The following ITPK1 variants were observed in gnomAD, a reference collection of about 807,000 sequenced individuals.
ITPK1 encodes inositol 1,3,4-trisphosphate 5/6-kinase.
ITPK1 carries 21 observed loss-of-function variants against 45.3 expected under a neutral mutation model. The observed-to-expected ratio is 0.46, with a 90% CI of 0.33 to 0.67. The LOEUF (loss-of-function observed/expected upper bound fraction) is 0.67. Ranked by LOEUF, ITPK1 falls within the 30% of genes least tolerant of loss-of-function variation. The pLI is 0.02. For missense variants in ITPK1, 474 were observed against 573.5 expected (o/e 0.83, Z 1.77); for synonymous variants, 258 against 253.6 (o/e 1.02, Z -0.16).
chr14:93,052,993 G>C (rs944676526), intron 3 of ITPK1, among the ~76,000 whole-genome samples: 17 of 149,952 alleles, frequency 1.1e-4, no homozygotes, highest in Admixed American at 4.0e-4. Context: ...GGGGGGAAGG[G>C]GGAGGGATAG....
intron 2 of ITPK1, among the ~76,000 whole-genome samples, chr14:93,077,909 G>A (rs1373971684): frequency 6.6e-6 from 1 of 152,216 alleles, no homozygotes; most frequent in Non-Finnish European, 1.5e-5. Flanking sequence ...TGTGCACATT[G>A]TGCTGGGAAG....
chr14:92,958,271 C>T lies in ITPK1; in HGVS notation c.600G>A (p.Val200=), dbSNP rs559033581. The T allele has an allele frequency of 8.7e-6, 14 of 1,613,856 alleles. No homozygotes were observed. In the East Asian group the frequency reaches 2.9e-4, roughly 33 times the overall value. ...FINHNAVLYK[V]FVVGESYTVV... ...CGGTGTAGGACTCGCCAACCACGAA[C>T]ACCTTGTACAGGACGGCGTTGTGGT... The change falls in exon 8 of 11, where the codon GTG becomes GTA. Residue 200 remains valine, a synonymous_variant. Coordinates refer to ENST00000267615, the MANE Select transcript of ITPK1 (RefSeq NM_014216.6). The surrounding 1 kb of genome is among the most constrained non-coding windows in gnomAD (Gnocchi z 4.4).
At chr14:93,005,675 G>A (rs934904020) in intron 4 of ITPK1, among the ~76,000 whole-genome samples, 9 of 152,302 alleles carry the variant, frequency 5.9e-5, no homozygotes, top group East Asian at 1.9e-4. Flanking sequence ...GAGAGAAACC[G>A]GACAACAGCC....
chr14:92,968,207 G>A (rs1483599099), intron 5 of ITPK1, among the ~76,000 whole-genome samples: 2 of 152,018 alleles, frequency 1.3e-5, no homozygotes, highest in African/African-American at 4.8e-5. Flanking sequence ...GCACATGTCT[G>A]TAATCCCAGC....
At chr14:93,005,377 A>C (rs1887559565) in intron 4 of ITPK1, among the ~76,000 whole-genome samples, 1 of 152,186 alleles carries the variant, frequency 6.6e-6, no homozygotes, top group Non-Finnish European at 1.5e-5. Context: ...TCAGACATGG[A>C]GTGCGGAAGA....
chr14:93,038,224 G>A (rs957854533), intron 3 of ITPK1, among the ~76,000 whole-genome samples: 6 of 152,178 alleles, frequency 3.9e-5, no homozygotes, highest in African/African-American at 1.2e-4. Flanking sequence ...TTGTAGAGAC[G>A]TGGTTTTGCC....
At chr14:93,114,292 G>A (rs1892856503) in intron 2 of ITPK1, among the ~76,000 whole-genome samples, 1 of 152,206 alleles carries the variant, frequency 6.6e-6, no homozygotes, top group South Asian at 2.1e-4. Context: ...TTAAACACCG[G>A]AGACTCCGCC....
chr14:93,018,728 G>A (rs1368912002), intron 3 of ITPK1, among the ~76,000 whole-genome samples: 1 of 152,170 alleles, frequency 6.6e-6, no homozygotes, highest in African/African-American at 2.4e-5. Flanking sequence ...CCTGAGACTT[G>A]GCGCCGGCTC....
In ITPK1 at chr14:93,110,517, A is replaced by C. The variant is rs774323287; in HGVS notation, c.95+4552T>G. ...GGCCCTATTTTAAAGGAACAAATGT[A>C]GGGCCCAAGGGGAAGGGACAGGCCC... On this transcript the variant is annotated intron_variant, in intron 2 of 10. Coordinates refer to ENST00000267615, the MANE Select transcript of ITPK1 (RefSeq NM_014216.6). Among the ~76,000 whole-genome samples, 6 of 152,156 alleles carry C rather than the reference A, an allele frequency of 3.9e-5. No individual in the cohort carries two copies. In the East Asian group the frequency reaches 7.7e-4, roughly 20 times the overall value.
intron 5 of ITPK1, among the ~76,000 whole-genome samples, chr14:92,968,298 T>C (rs907405415): frequency 1.3e-5 from 2 of 152,002 alleles, no homozygotes; most frequent in East Asian, 3.9e-4. Flanking sequence ...GTCACTGCAC[T>C]CCAGCCTGGT....
At chr14:93,092,493 T>C (rs896400287) in intron 2 of ITPK1, among the ~76,000 whole-genome samples, 3 of 152,156 alleles carry the variant, frequency 2.0e-5, no homozygotes, top group Admixed American at 6.5e-5. Context: ...ACCCACTGCC[T>C]GGAAACAGAG....
At chr14:93,072,540 G>A (rs191099999) in intron 3 of ITPK1, among the ~76,000 whole-genome samples, 31 of 151,526 alleles carry the variant, frequency 2.0e-4, no homozygotes, top group Admixed American at 1.3e-3. Context: ...ATTTACCACA[G>A]CAAATTCTTT....
At chr14:92,983,171 G>A (rs575258343) in intron 5 of ITPK1, among the ~76,000 whole-genome samples, 83 of 152,284 alleles carry the variant, frequency 5.5e-4, no homozygotes, top group African/African-American at 1.7e-3. Flanking sequence ...GCATTTCTGC[G>A]CCCGATGTCT....
At chr14:93,111,877 G>A (rs1414505087) in intron 2 of ITPK1, among the ~76,000 whole-genome samples, 1 of 152,068 alleles carries the variant, frequency 6.6e-6, no homozygotes, top group Non-Finnish European at 1.5e-5. Context: ...CAGTACCACT[G>A]ACAAACAAGT....
intron 2 of ITPK1, among the ~76,000 whole-genome samples, chr14:93,092,598 C>A (rs953655583): frequency 1.3e-5 from 2 of 152,248 alleles, no homozygotes; most frequent in African/African-American, 2.4e-5. Flanking sequence ...TTTTACCCCC[C>A]ACCCAGAGGA....
rs138671504 is a variant in ITPK1 at position 92,958,644 on chromosome 14, G to A, written c.505-278C>T. 2.2e-4 allele frequency among the ~76,000 whole-genome samples: 33 copies of A among 152,338 alleles called. 1 individual carries two copies. The highest frequency in any genetic ancestry group is 7.7e-4 in the African/African-American group (32 of 41,570). ...GCTGTGCACTGCACAACTTCTGAGA[G>A]CGTGACACCACTTGTCGCACTGTGG... On this transcript the variant is annotated intron_variant, in intron 7 of 10. Transcript: ENST00000267615. This position sits in a 1 kb window ranked among gnomAD's most constrained non-coding sequence, Gnocchi z 4.4.
At chr14:93,061,611 C>A (rs1890527273) in intron 3 of ITPK1, among the ~76,000 whole-genome samples, 1 of 152,222 alleles carries the variant, frequency 6.6e-6, no homozygotes, top group Admixed American at 6.5e-5. Context: ...CAAACTCCCA[C>A]AAGACCTTCC....
chr14:92,971,833 G>A (rs926454811), intron 5 of ITPK1, among the ~76,000 whole-genome samples: 7 of 152,166 alleles, frequency 4.6e-5, no homozygotes, highest in Non-Finnish European at 8.8e-5. Context: ...AGGGGCATTC[G>A]GAATGACTGA....
In ITPK1 at chr14:93,012,298, T is replaced by A. The variant is rs1430961219; in HGVS notation, c.246+4378A>T. 4.6e-5 allele frequency among the ~76,000 whole-genome samples: 7 copies of A among 152,216 alleles called. No individual in the cohort carries two copies. On this transcript the variant is annotated intron_variant, in intron 4 of 10. Coordinates refer to ENST00000267615, the MANE Select transcript of ITPK1 (RefSeq NM_014216.6). This position sits in a 1 kb window ranked among gnomAD's most constrained non-coding sequence, Gnocchi z 4.9. ...AAGGGCATGAAGGAAAAGTGCAAAG[T>A]TGGCAGGGCCTGGGACGAGAGATGT...
Sources: allele counts gnomAD v4.1 joint callset (sites outside exome capture counted in the v4.1 genomes callset), GRCh38; gene constraint gnomAD v4.1.1; non-coding constraint Gnocchi (gnomAD v3.1); transcripts MANE v1.5; gene names NCBI Gene and HGNC (gene_info 2026-07-23, HGNC 2026-07-21).